Variants in SDK1 observed in about 807,000 individuals in gnomAD.
SDK1 encodes sidekick cell adhesion molecule 1.
SDK1 carries 157 observed loss-of-function variants against 245.5 expected under a neutral mutation model. That is an observed-to-expected ratio of 0.64 (90% CI 0.56 to 0.73). The LOEUF is 0.73. Among genes scored for constraint, SDK1 ranks in the 30% least tolerant of loss-of-function variants. SDK1 has a pLI of 0.00. For missense variants in SDK1, 3,583 were observed against 3,002.3 expected (o/e 1.19, Z -4.52); for synonymous variants, 1,647 against 1,278.5 (o/e 1.29, Z -6.15).
intron 1 of SDK1, among the ~76,000 whole-genome samples, chr7:3,494,240 T>C (rs1486422989): frequency 6.6e-6 from 1 of 152,208 alleles, no homozygotes; most frequent in Non-Finnish European, 1.5e-5. Flanking sequence ...TTCTATTTTA[T>C]ATATAGTTTT....
chr7:4,155,489 G>GCAGTGTGGC (rs1398124208), intron 30 of SDK1, among the ~76,000 whole-genome samples: 1 of 152,220 alleles, frequency 6.6e-6, no homozygotes, highest in African/African-American at 2.4e-5. Flanking sequence ...CAAGGAGCTT[G>GCAGTGTGGC]CAGTGTGGCT....
At chr7:3,555,341 C>A (rs1779554639) in intron 1 of SDK1, among the ~76,000 whole-genome samples, 1 of 152,152 alleles carries the variant, frequency 6.6e-6, no homozygotes, top group Non-Finnish European at 1.5e-5. Flanking sequence ...AAAGGACACT[C>A]TTTTCAGTAA....
At chr7:3,447,291 C>T (rs6963701) in intron 1 of SDK1, among the ~76,000 whole-genome samples, 23,828 of 151,942 alleles carry the variant, frequency 0.16, 1,896 homozygotes, top group South Asian at 0.21. Flanking sequence ...TATTGTGAAG[C>T]GAAACTTATC....
chr7:4,050,834 T>A (rs1789394678), intron 18 of SDK1, among the ~76,000 whole-genome samples: 1 of 147,404 alleles, frequency 6.8e-6, no homozygotes, highest in Non-Finnish European at 1.5e-5. Flanking sequence ...TCATCTTTAT[T>A]CTTTACTGTT....
At chr7:3,801,794 C>G (rs1270925812) in intron 4 of SDK1, among the ~76,000 whole-genome samples, 1 of 152,146 alleles carries the variant, frequency 6.6e-6, no homozygotes, top group African/African-American at 2.4e-5. Flanking sequence ...GCACTTGGAG[C>G]TCTCTTCTGG....
chr7:4,060,128 G>A (rs563787441), intron 19 of SDK1, among the ~76,000 whole-genome samples: 24 of 152,140 alleles, frequency 1.6e-4, no homozygotes, highest in East Asian at 5.8e-4. Flanking sequence ...TGATCCGCCC[G>A]CCTCGGCCTT....
intron 1 of SDK1, among the ~76,000 whole-genome samples, chr7:3,529,535 G>T (rs901923297): frequency 1.3e-5 from 2 of 152,092 alleles, no homozygotes; most frequent in Non-Finnish European, 2.9e-5. Flanking sequence ...AAATAAATGG[G>T]AGAGAAGCAA....
chr7:3,870,886 A>C (rs1780939050), intron 5 of SDK1, among the ~76,000 whole-genome samples: 2 of 152,172 alleles, frequency 1.3e-5, no homozygotes, highest in African/African-American at 4.8e-5. Context: ...ACAGTTTCTC[A>C]TCCCTTCCTT....
chr7:3,893,652 A>G (rs1011519347), intron 5 of SDK1, among the ~76,000 whole-genome samples: 19 of 151,348 alleles, frequency 1.3e-4, no homozygotes, highest in Admixed American at 2.6e-4. Flanking sequence ...TGGTTAAGAG[A>G]TAAAGAAACA....
chr7:4,225,687 G>A (rs755558009), intron 40 of SDK1, among the ~76,000 whole-genome samples: 2 of 152,144 alleles, frequency 1.3e-5, no homozygotes, highest in East Asian at 3.9e-4. Flanking sequence ...TTCACACTGG[G>A]CCCACGCCTC....
At chr7:3,869,684 A>T (rs2115131594) in intron 5 of SDK1, among the ~76,000 whole-genome samples, 1 of 152,198 alleles carries the variant, frequency 6.6e-6, no homozygotes, top group Non-Finnish European at 1.5e-5. Context: ...CAGTGTTTTT[A>T]ACTTTTGAAA....
At position 3,590,382 on chromosome 7, in the gene SDK1, A is replaced by T. The variant is rs181388233; in HGVS notation, c.299-28698A>T. Among the ~76,000 whole-genome samples the T allele has an allele frequency of 1.3e-4, 19 of 144,292 alleles. No homozygotes were observed. The Admixed American group carries it at 1.4e-3, about 10-fold the overall frequency. The allele number at this position is 144,292 out of a possible 152,430, so 94.7% of individuals were successfully genotyped here. The stretch of plus-strand genomic sequence containing the variant: ...ATACAATAGCAAAGACAAATTATGG[A>T]TAAATTGGAAAATCAAACTCTGCAG... On this transcript the variant is annotated intron_variant, in intron 1 of 44. Coordinates refer to ENST00000404826, the MANE Select transcript of SDK1 (RefSeq NM_152744.4).
intron 4 of SDK1, among the ~76,000 whole-genome samples, chr7:3,676,477 C>T (rs528242206): frequency 2.0e-5 from 3 of 152,216 alleles, no homozygotes; most frequent in African/African-American, 4.8e-5. Flanking sequence ...AGGCGCCTGC[C>T]ACCACGCCCA....
chr7:3,693,565 T>C (rs1396880327), intron 4 of SDK1, among the ~76,000 whole-genome samples: 1 of 152,262 alleles, frequency 6.6e-6, no homozygotes, highest in Non-Finnish European at 1.5e-5. Flanking sequence ...ATATGTTTTT[T>C]TCATAGATGC....
chr7:4,113,757 T>C (rs1297765749), intron 24 of SDK1, among the ~76,000 whole-genome samples: 4 of 152,194 alleles, frequency 2.6e-5, no homozygotes, highest in Non-Finnish European at 5.9e-5. Flanking sequence ...ACTCAATATT[T>C]GTAAGAGAGC....
chr7:4,258,284 C>A (rs1451969423), intron 44 of SDK1, among the ~76,000 whole-genome samples: 1 of 152,202 alleles, frequency 6.6e-6, no homozygotes, highest in Non-Finnish European at 1.5e-5. Context: ...TTCCGAACCA[C>A]CCCTAGGCCC....
At chr7:4,216,228 G>A (rs775566488) in intron 38 of SDK1, among the ~76,000 whole-genome samples, 12 of 152,176 alleles carry the variant, frequency 7.9e-5, no homozygotes, top group Non-Finnish European at 1.8e-4. Flanking sequence ...GTGTGGCCAA[G>A]GGCAGGGTGG....
intron 4 of SDK1, among the ~76,000 whole-genome samples, chr7:3,744,538 A>T (rs1779562636): frequency 6.6e-6 from 1 of 152,252 alleles, no homozygotes; most frequent in South Asian, 2.1e-4. Context: ...CAGGCCAGGC[A>T]TGGTGGCTCA....
At chr7:3,991,597 G>T (rs1399961407) in intron 14 of SDK1, among the ~76,000 whole-genome samples, 1 of 152,162 alleles carries the variant, frequency 6.6e-6, no homozygotes, top group Non-Finnish European at 1.5e-5. Context: ...CACTCAGAAG[G>T]GGACAGAGAA....
Sources: gnomAD v4.1 joint callset for allele counts (sites outside exome capture counted in the v4.1 genomes callset) on GRCh38, gnomAD v4.1.1 for gene constraint, MANE v1.5 for transcripts, NCBI Gene and HGNC (gene_info 2026-07-23, HGNC 2026-07-21) for gene names.